Variants in DHX34 observed in about 807,000 individuals in gnomAD.
The protein encoded by DHX34 is probable ATP-dependent RNA helicase DHX34.
A neutral mutation model predicts 111.1 loss-of-function variants in DHX34; 96 were observed. The observed-to-expected ratio is 0.86, with a 90% confidence interval of 0.73 to 1.02. The LOEUF (loss-of-function observed/expected upper bound fraction) is 1.02, where lower values mean the gene tolerates loss of function less well. Ranked by LOEUF, DHX34 falls within the 50% of genes least tolerant of loss-of-function variation. The pLI is 0.00. For missense variants in DHX34, 1,560 were observed against 1,579.9 expected, an observed-to-expected ratio of 0.99 and a Z score of 0.21; for synonymous variants, 688 against 670.4, an observed-to-expected ratio of 1.03 and a Z score of -0.41.
At chr19:47,368,365 G>A (rs1161357471) in intron 7 of DHX34, among the ~76,000 whole-genome samples, 1 of 137,116 alleles carries the variant, frequency 7.3e-6, no homozygotes, top group Admixed American at 8.1e-5. Flanking sequence ...GGAGTGCAAT[G>A]GTGCCATCTC....
rs774454068 is a variant in DHX34, at chr19:47,358,015, G to A, written c.1167G>A (p.Ala389=). ...TCCTCGTCTTCCTCAGCGGCATGGC[G>A]GAGATCAGCGCCGTGCTGGAGGCTG... ...GDLLVFLSGM[A]EISAVLEAAQ... The change falls in exon 4 of 17, where the codon GCG becomes GCA. Residue 389 remains alanine (A), a synonymous_variant. Coordinates refer to ENST00000328771, the MANE Select transcript of DHX34 (RefSeq NM_014681.6). 9.3e-6 allele frequency: 15 copies of A among 1,613,682 alleles called. No individual in the cohort carries two copies. The highest frequency in any genetic ancestry group is 2.2e-5 in the East Asian group (1 of 44,888).
rs948588355 is a variant in DHX34 at position 47,353,719 on chromosome 19, G to C, written c.689G>C (p.Ser230Thr). The C allele has an allele frequency of 1.3e-6, 2 of 1,598,726 alleles. No homozygotes were observed. Among genetic ancestry groups the C allele is most frequent in the African/African-American group, 2.7e-5 (2 of 74,708 alleles). ...LAKRVGFESLSQYGSQVGYQI... is the reference protein window; with the variant it reads ...LAKRVGFESLTQYGSQVGYQI... Reference sequence around the variant, plus strand: ...AAGCGTGTGGGCTTTGAGAGCCTCAGTCAGTATGGCTCACAGGTGAGTGGG... The same window carrying C: ...AAGCGTGTGGGCTTTGAGAGCCTCACTCAGTATGGCTCACAGGTGAGTGGG... Residue 230 changes from serine (S) to threonine (T), a missense_variant, in exon 2 of 17, where the codon AGT becomes ACT. Ser to Thr is a moderately conservative substitution (Grantham distance 58). Coordinates refer to ENST00000328771, the MANE Select transcript of DHX34 (RefSeq NM_014681.6). The surrounding 1 kb of genome is among the most constrained non-coding windows in gnomAD (Gnocchi z 4.6).
At chr19:47,358,650 T>G (rs767027707) in intron 4 of DHX34, among the ~76,000 whole-genome samples, 78 of 152,194 alleles carry the variant, frequency 5.1e-4, no homozygotes, top group Non-Finnish European at 1.1e-3. Flanking sequence ...AGTCTCACTC[T>G]GTCGTCCAGG....
chr19:47,373,489 G>A (rs1428370983), intron 8 of DHX34, 110 bp from the exon 9 acceptor site: 2 of 1,479,708 alleles, frequency 1.4e-6, no homozygotes. Context: ...GGAAGCAGGA[G>A]AGCAGGTGTC....
Position 47,379,957 on chromosome 19 carries a change from A to G in DHX34, c.2954A>G (p.Lys985Arg), listed in dbSNP as rs1455338609. The G allele has an allele frequency of 6.3e-7, 1 of 1,594,684 alleles. No homozygotes were observed. Residue 985 changes from lysine to arginine, a missense_variant, in exon 14 of 17, where the codon AAG (lysine) becomes AGG (arginine). By Grantham distance (26) the Lys-to-Arg change is conservative. Coordinates refer to ENST00000328771, the MANE Select transcript of DHX34 (RefSeq NM_014681.6). Reference protein sequence around the residue: ...VSPKEVATLSKELLQFTASKI... With the variant: ...VSPKEVATLSRELLQFTASKI... ...CCCAAGGAGGTGGCCACCCTGAGCA[A>G]GGAACTCCTGCAATTCACGGCATCC...
rs1202778174 is a variant in DHX34, at chr19:47,380,881, C to A, written c.3048C>A (p.Thr1016=). The change falls in exon 15 of 17, where the codon ACC becomes ACA. Residue 1016 remains threonine (T), a synonymous_variant. Transcript: ENST00000328771. ...EVQNMYVGPQ[T]IPATPHLPGL... ...AGAACATGTATGTGGGACCCCAGACCATCCCAGCCACCCCCCATCTTCCTG... is the reference window on the plus strand; with the variant it reads ...AGAACATGTATGTGGGACCCCAGACAATCCCAGCCACCCCCCATCTTCCTG... 6.2e-7 allele frequency: 1 copy of A among 1,613,800 alleles called. No individual in the cohort carries two copies. Among genetic ancestry groups the A allele is most frequent in the South Asian group, 1.1e-5 (1 of 91,084 alleles).
At chr19:47,360,128 C>T (rs182856401) in intron 5 of DHX34, 58 bp downstream of exon 5, 59 of 1,535,292 alleles carry the variant, frequency 3.8e-5, no homozygotes, top group Admixed American at 3.0e-4. Flanking sequence ...GCATGGGGTC[C>T]GGAGGTGTGC....
rs754480519 is a variant in DHX34, at chr19:47,372,909, A to C, written c.1948A>C (p.Asn650His). 1.7e-5 allele frequency: 27 copies of C among 1,601,474 alleles called. No individual in the cohort carries two copies. Among genetic ancestry groups the C allele is most frequent in the Non-Finnish European group, 2.3e-5 (27 of 1,177,726 alleles). ...CCCCTTCACGCTCTTCAACGTCTTC[A>C]ACGCCTGGGTGCAGGTGAGGCTGGT... ...GDPFTLFNVF[N>H]AWVQVKSERS... The change falls in exon 8 of 17, where the codon AAC becomes CAC. Residue 650 changes from asparagine to histidine, a missense_variant. Transcript: ENST00000328771.
chr19:47,375,508 G>T lies in DHX34; in HGVS notation c.2107G>T (p.Ala703Ser). 6.4e-7 allele frequency: 1 copy of T among 1,572,608 alleles called. No homozygotes were observed. The highest frequency in any genetic ancestry group is 8.6e-7 in the Non-Finnish European group (1 of 1,165,488). Residue 703 changes from alanine to serine, a missense_variant, in exon 10 of 17, where the codon GCG becomes TCG. Physicochemically the swap from Ala to Ser is moderately conservative, Grantham distance 99 (BLOSUM62 1). Transcript: ENST00000328771. The part of the protein sequence containing the change: ...DHGLLAGAQA[A>S]QVGDSYSRLQ... ...CGGGCTGCTGGCTGGGGCCCAGGCC[G>T]CGCAGGTAGGGGACAGCTACAGTCG... is the stretch of plus-strand genomic sequence containing the variant.
intron 5 of DHX34, among the ~76,000 whole-genome samples, chr19:47,360,588 G>T (rs779602960): frequency 6.6e-6 from 1 of 152,070 alleles, no homozygotes; most frequent in Non-Finnish European, 1.5e-5. Context: ...CGTCAGAGAG[G>T]CCCATACTGT....
chr19:47,363,948 T>C (rs1969711735), intron 6 of DHX34, among the ~76,000 whole-genome samples: 1 of 152,186 alleles, frequency 6.6e-6, no homozygotes, highest in South Asian at 2.1e-4. Context: ...ATACATTTTA[T>C]GTCATGATTT....
chr19:47,360,962 G>T (rs558113792), intron 5 of DHX34, among the ~76,000 whole-genome samples: 1 of 151,506 alleles, frequency 6.6e-6, no homozygotes, highest in Non-Finnish European at 1.5e-5. Context: ...GAGCCACCAC[G>T]CCCAGCCCGA....
chr19:47,349,426 A>G (rs1403880057), intron 1 of DHX34, 74 bp downstream of exon 1: 3 of 152,022 alleles, frequency 2.0e-5, no homozygotes, highest in African/African-American at 7.3e-5. Flanking sequence ...GCTTGGGGGT[A>G]GTTTGGGGTG....
intron 5 of DHX34, among the ~76,000 whole-genome samples, chr19:47,361,662 C>T (rs1969634973): frequency 6.6e-6 from 1 of 152,002 alleles, no homozygotes; most frequent in African/African-American, 2.4e-5. Context: ...TCCTGTAATC[C>T]CAGCTACTCA....
chr19:47,361,736 C>T (rs1186932020), intron 5 of DHX34, among the ~76,000 whole-genome samples: 2 of 152,144 alleles, frequency 1.3e-5, no homozygotes, highest in African/African-American at 4.8e-5. Context: ...TGTGCCATTG[C>T]ACTCCAGCCT....
At chr19:47,356,446 A>G (rs1442918618) in intron 3 of DHX34, among the ~76,000 whole-genome samples, 4 of 152,084 alleles carry the variant, frequency 2.6e-5, no homozygotes, top group Non-Finnish European at 1.5e-5. Context: ...CCTGGCCAAC[A>G]TGGTGAAATC....
rs1330097816 is a variant in DHX34 at position 47,382,040 on chromosome 19, A to G, written c.3359A>G (p.His1120Arg). The G allele has an allele frequency of 6.2e-7, 1 of 1,613,934 alleles. No individual in the cohort carries two copies. Among genetic ancestry groups the G allele is most frequent in the Non-Finnish European group, 8.5e-7 (1 of 1,180,006 alleles). Reference protein sequence around the residue: ...QKTSVLQRPYHCEACGKDFLF... With the variant: ...QKTSVLQRPYRCEACGKDFLF... ...ACATCTGTCCTGCAGAGGCCCTACC[A>G]CTGCGAGGCCTGCGGGAAGGACTTC... Residue 1120 changes from histidine to arginine, a missense_variant, in exon 17 of 17, where the codon CAC becomes CGC. His to Arg is a conservative substitution (Grantham distance 29, BLOSUM62 0). Coordinates refer to ENST00000328771, the MANE Select transcript of DHX34 (RefSeq NM_014681.6).
At chr19:47,361,891 G>A (rs569083396) in intron 5 of DHX34, among the ~76,000 whole-genome samples, 99 of 152,326 alleles carry the variant, frequency 6.5e-4, no homozygotes, top group South Asian at 6.2e-3. Flanking sequence ...TTCCCCTAGT[G>A]CCTAGTGCAG....
intron 6 of DHX34, among the ~76,000 whole-genome samples, chr19:47,363,750 G>A (rs1969703444): frequency 6.7e-6 from 1 of 148,920 alleles, no homozygotes; most frequent in Non-Finnish European, 1.5e-5. Flanking sequence ...CCCAGGAGGT[G>A]GAGGTTGCGG....
Sources: gnomAD v4.1 joint callset for allele counts (sites outside exome capture counted in the v4.1 genomes callset) on GRCh38, gnomAD v4.1.1 for gene constraint, Gnocchi (gnomAD v3.1) non-coding constraint, MANE v1.5 for transcripts, NCBI Gene and HGNC (gene_info 2026-07-23, HGNC 2026-07-21) for gene names.